EIF3B: variants seen among roughly 807,000 people sequenced by gnomAD.
EIF3B encodes eukaryotic translation initiation factor 3 subunit 9.
EIF3B carries 10 observed loss-of-function variants against 104.6 expected under a neutral mutation model. The ratio of observed to expected loss-of-function variants is 0.10; its 90% CI spans 0.06 to 0.16. The LOEUF is 0.16. Among genes scored for constraint, EIF3B ranks in the 10% least tolerant of loss-of-function variants. The probability of loss-of-function intolerance (pLI) is 1.00; values close to 1 mark genes in which losing one functional copy is unlikely to be tolerated. For missense variants in EIF3B, 1,014 were observed against 1,087.9 expected, an observed-to-expected ratio of 0.93 and a Z score of 0.96; for synonymous variants, 542 against 417.2, an observed-to-expected ratio of 1.30 and a Z score of -3.65.
chr7:2,372,046 A>G, intron 11 of EIF3B, 197 bp downstream of exon 11: 1 of 555,044 alleles, frequency 1.8e-6, no homozygotes, highest in East Asian at 3.0e-5. Flanking sequence ...TACAAAAAAC[A>G]AATAAAAAAA....
chr7:2,367,016 C>G lies in EIF3B; in HGVS notation c.1374C>G (p.Asp458Glu). Residue 458 changes from aspartate to glutamate, a missense_variant, in exon 9 of 19, where the codon GAC becomes GAG. Asp to Glu is a conservative substitution (Grantham distance 45). Transcript: ENST00000360876. ...TTGGGCAGTCTATGGGTCTTTTGGA[C>G]AAGAAGAGTTTGAAGATCTCTGGGA... Reference protein sequence around the residue: ...IYETPSMGLLDKKSLKISGIK... With the variant: ...IYETPSMGLLEKKSLKISGIK... The G allele has an allele frequency of 6.2e-7, 1 of 1,608,460 alleles. No homozygotes were observed.
chr7:2,355,135 G>A lies in EIF3B; in HGVS notation c.214G>A (p.Ala72Thr), dbSNP rs1209832539. 5.0e-6 allele frequency: 7 copies of A among 1,409,170 alleles called. No individual in the cohort carries two copies. The highest frequency in any genetic ancestry group is 2.6e-4 in the Middle Eastern group (1 of 3,916). 87.3% of individuals were successfully genotyped at this position (1,409,170 alleles called of 1,614,324 possible). ...GTCCGAGGTGAGGACCGAGCCGGCG[G>A]CCGAGGCAGAGGCGGCCTCCGGCCC... ...PESEVRTEPA[A>T]EAEAASGPSE... Residue 72 changes from alanine to threonine, a missense_variant, in exon 1 of 19, where the codon GCC becomes ACC. By Grantham distance (58) the Ala-to-Thr change is moderately conservative (BLOSUM62 0). Coordinates refer to ENST00000360876, the MANE Select transcript of EIF3B (RefSeq NM_001037283.2).
chr7:2,365,119 A>G (rs550619980), intron 6 of EIF3B, among the ~76,000 whole-genome samples: 2 of 152,308 alleles, frequency 1.3e-5, no homozygotes, highest in African/African-American at 4.8e-5. Context: ...CATATGGCTA[A>G]TTTTATTTTT....
intron 1 of EIF3B, among the ~76,000 whole-genome samples, chr7:2,356,808 A>C (rs1262223914): frequency 2.6e-5 from 4 of 152,156 alleles, no homozygotes; most frequent in African/African-American, 9.6e-5. Flanking sequence ...TGAAAAATTA[A>C]AAAATAAAAA....
intron 6 of EIF3B, among the ~76,000 whole-genome samples, chr7:2,365,911 C>T (rs1369433526): frequency 6.6e-6 from 1 of 152,074 alleles, no homozygotes; most frequent in Non-Finnish European, 1.5e-5. Flanking sequence ...GTCTTAAACT[C>T]CGGACCTTGG....
At chr7:2,376,722 G>A in intron 14 of EIF3B, 1 of 548,912 alleles carries the variant, frequency 1.8e-6, no homozygotes, top group African/African-American at 1.9e-5. Flanking sequence ...GGCCTGTGCT[G>A]TGATGAGCGC....
intron 6 of EIF3B, among the ~76,000 whole-genome samples, chr7:2,365,739 G>C (rs1279505698): frequency 6.8e-6 from 1 of 147,822 alleles, no homozygotes. Context: ...GTAGTGGCAC[G>C]ATACCAGTTC....
At position 2,363,780 on chromosome 7, in the gene EIF3B, G is replaced by C. The variant is rs1286462976; in HGVS notation, c.999+20G>C. ...AGAGCGGTGTGTATTTGCTGCTGCTGGGGGCGGGGACTCACCTCTCCTGTA... is the reference window on the plus strand; with the variant it reads ...AGAGCGGTGTGTATTTGCTGCTGCTCGGGGCGGGGACTCACCTCTCCTGTA... On this transcript the variant is annotated intron_variant, in intron 5 of 18. Transcript: ENST00000360876. 6.2e-7 allele frequency: 1 copy of C among 1,610,338 alleles called. No homozygotes were observed. Among genetic ancestry groups the C allele is most frequent in the Non-Finnish European group, 8.5e-7 (1 of 1,179,356 alleles).
Position 2,356,219 on chromosome 7 carries a change from GA to G in EIF3B, c.499+804del, listed in dbSNP as rs1333835823. ...ATTGGCTAAGTTGATACTAGAGTGA[GA>G]AAAATAAAAATACCCTTGCTGATGT... On this transcript the variant is annotated intron_variant, in intron 1 of 18. Transcript: ENST00000360876. Among the ~76,000 whole-genome samples, 3 of 152,246 alleles carry G rather than the reference GA, an allele frequency of 2.0e-5. No homozygotes were observed. The East Asian group carries it at 5.8e-4, about 29-fold the overall frequency.
chr7:2,359,503 G>T (rs1405972115), intron 1 of EIF3B, among the ~76,000 whole-genome samples: 1 of 152,202 alleles, frequency 6.6e-6, no homozygotes, highest in Admixed American at 6.5e-5. Context: ...GTGGCCTGGA[G>T]AGCACAGGGA....
At chr7:2,361,641 G>A (rs1382885765) in intron 2 of EIF3B, among the ~76,000 whole-genome samples, 4 of 151,924 alleles carry the variant, frequency 2.6e-5, no homozygotes, top group Non-Finnish European at 4.4e-5. Context: ...GAATGGTCTC[G>A]ATCTCCTGAC....
intron 1 of EIF3B, among the ~76,000 whole-genome samples, chr7:2,356,927 C>T (rs1343969123): frequency 6.6e-6 from 1 of 152,152 alleles, no homozygotes; most frequent in Non-Finnish European, 1.5e-5. Context: ...TTGGGAACAT[C>T]TAGTCTACGC....
At chr7:2,357,973 C>T (rs571755628) in intron 1 of EIF3B, among the ~76,000 whole-genome samples, 1 of 152,042 alleles carries the variant, frequency 6.6e-6, no homozygotes, top group South Asian at 2.1e-4. Context: ...GTTTCCATAG[C>T]AGGGTGTCCG....
In EIF3B at chr7:2,355,202, G is replaced by A; in HGVS notation, c.281G>A (p.Gly94Glu). The A allele has an allele frequency of 6.7e-7, 1 of 1,488,816 alleles. No homozygotes were observed. The highest frequency in any genetic ancestry group is 8.9e-7 in the Non-Finnish European group (1 of 1,128,188). 92.2% of individuals were successfully genotyped at this position (1,488,816 alleles called of 1,614,324 possible). A position where few individuals can be genotyped will look rare whatever the true frequency, so the allele number is the denominator to read the frequency against. ...CCGCCGGCCGCCGAGGAGCTGCCCG[G>A]GTCGCATGCTGAGCCCCCTGTCCCG... Reference protein sequence around the residue: ...PSPPAAEELPGSHAEPPVPAQ... With the variant: ...PSPPAAEELPESHAEPPVPAQ... Residue 94 changes from glycine to glutamate, a missense_variant, in exon 1 of 19, where the codon GGG becomes GAG. Gly to Glu is a moderately conservative substitution (Grantham distance 98, BLOSUM62 -2). Coordinates refer to ENST00000360876, the MANE Select transcript of EIF3B (RefSeq NM_001037283.2).
chr7:2,374,654 CTGTG>C, intron 13 of EIF3B, 48 bp downstream of exon 13: 1 of 1,565,852 alleles, frequency 6.4e-7, no homozygotes, highest in Non-Finnish European at 8.8e-7. Context: ...TAGCGCTCTG[CTGTG>C]GCAGAGACCC....
Position 2,379,516 on chromosome 7 carries a change from G to C in EIF3B, c.*14+5G>C. On this transcript the variant is annotated splice_donor_5th_base_variant and intron_variant, in intron 18 of 18. Coordinates refer to ENST00000360876, the MANE Select transcript of EIF3B (RefSeq NM_001037283.2). ...GGAGTGACCTGGAGCACTGTGGTGA[G>C]CGTCTGCAGGGGGCGCGATGGGGGT... The C allele has an allele frequency of 1.3e-6, 2 of 1,545,216 alleles. No individual in the cohort carries two copies. The highest frequency in any genetic ancestry group is 1.8e-6 in the Non-Finnish European group (2 of 1,138,172).
chr7:2,360,628 G>T (rs1192261677), intron 1 of EIF3B, 82 bp from the exon 2 acceptor site: 2 of 1,135,556 alleles, frequency 1.8e-6, no homozygotes, highest in Admixed American at 5.2e-5. Flanking sequence ...GTCTCTTCTT[G>T]AAGACTTGTT....
chr7:2,361,686 T>C (rs1779736431), intron 2 of EIF3B, among the ~76,000 whole-genome samples: 1 of 152,216 alleles, frequency 6.6e-6, no homozygotes, highest in South Asian at 2.1e-4. Flanking sequence ...CCCAAAGTGC[T>C]GGGATTACAG....
Position 2,363,676 on chromosome 7 carries a change from G to A in EIF3B, c.915G>A (p.Gln305=). The change falls in exon 5 of 19, where the codon CAG becomes CAA. Residue 305 remains glutamine (Q), a synonymous_variant. Transcript: ENST00000360876. ...TTGAAGAGGCAGAATGCAGAGATCA[G>A]TACAGTGTGATTTTTGAGAGTGGAG... The part of the protein sequence containing the change: ...YWLEEAECRD[Q]YSVIFESGDR... 2 of 1,614,048 alleles carry A rather than the reference G, an allele frequency of 1.2e-6. No homozygotes were observed. The highest frequency in any genetic ancestry group is 1.7e-6 in the Non-Finnish European group (2 of 1,179,938).
Sources: allele counts gnomAD v4.1 joint callset (sites outside exome capture counted in the v4.1 genomes callset), GRCh38; gene constraint gnomAD v4.1.1; transcripts MANE v1.5; gene names NCBI Gene and HGNC (gene_info 2026-07-23, HGNC 2026-07-21).